ARHGAP26: variants seen among roughly 807,000 people sequenced by gnomAD.
ARHGAP26 encodes the protein rho GTPase-activating protein 26.
A neutral mutation model predicts 104.8 loss-of-function variants in ARHGAP26; 38 were observed. The observed-to-expected ratio is 0.36, with a 90% CI of 0.28 to 0.48. ARHGAP26 has a LOEUF of 0.48. Among genes scored for constraint, ARHGAP26 ranks in the 20% least tolerant of loss-of-function variants. The probability of loss-of-function intolerance (pLI) is 0.99; values close to 1 mark genes in which losing one functional copy is unlikely to be tolerated. For synonymous variants in ARHGAP26, 341 were observed against 340.0 expected, an observed-to-expected ratio of 1.00 and a Z score of -0.03; for missense variants, 704 against 947.9, an observed-to-expected ratio of 0.74 and a Z score of 3.38.
chr5:143,066,350 C>T (rs906482614), intron 17 of ARHGAP26, among the ~76,000 whole-genome samples: 9 of 152,224 alleles, frequency 5.9e-5, no homozygotes, highest in East Asian at 5.8e-4. Flanking sequence ...CTCAGCATAT[C>T]TCCATTGTTA....
chr5:142,823,963 A>G (rs930369625), intron 1 of ARHGAP26, among the ~76,000 whole-genome samples: 3 of 152,198 alleles, frequency 2.0e-5, no homozygotes, highest in Non-Finnish European at 1.5e-5. Context: ...TGGTTTATAG[A>G]CAAATAACAA....
At chr5:142,803,605 A>G (rs1762446560) in intron 1 of ARHGAP26, among the ~76,000 whole-genome samples, 1 of 152,196 alleles carries the variant, frequency 6.6e-6, no homozygotes, top group Admixed American at 6.5e-5. Context: ...CTTCAACCTC[A>G]CGCTATTGCC....
Position 142,777,774 on chromosome 5 carries a change from C to T in ARHGAP26, c.154+6859C>T, listed in dbSNP as rs143194542. 1.1e-4 allele frequency among the ~76,000 whole-genome samples: 16 copies of T among 152,110 alleles called. No homozygotes were observed. In the East Asian group the frequency reaches 1.5e-3, roughly 15 times the overall value. ...GAGTGGGATGTTTGGGGGCCAGTGG[C>T]GCGGCCAGTTGTGACTGTAGCAGAG... On this transcript the variant is annotated intron_variant, in intron 1 of 22. Coordinates refer to ENST00000645722, the MANE Select transcript of ARHGAP26 (RefSeq NM_001135608.3).
intron 12 of ARHGAP26, among the ~76,000 whole-genome samples, chr5:143,035,633 A>G (rs1782511551): frequency 6.6e-6 from 1 of 152,126 alleles, no homozygotes; most frequent in South Asian, 2.1e-4. Context: ...ACAAGTCACC[A>G]CTAAGGAACT....
chr5:143,081,158 A>C (rs1472059128), intron 17 of ARHGAP26, among the ~76,000 whole-genome samples: 2 of 151,980 alleles, frequency 1.3e-5, no homozygotes, highest in African/African-American at 4.8e-5. Flanking sequence ...CAGCATACAG[A>C]TTATTCTTTC....
In ARHGAP26 at chr5:142,863,882, C is replaced by T. The variant is rs559775239; in HGVS notation, c.155-9518C>T. ...CAAAATCTAAGTCTTGAGGCTCAAG[C>T]CAGGATCAACCCTCCCAGCCCCACT... On this transcript the variant is annotated intron_variant, in intron 1 of 22. Transcript: ENST00000645722. 1.1e-3 allele frequency among the ~76,000 whole-genome samples: 173 copies of T among 152,314 alleles called. 6 individuals carry two copies. The South Asian group carries it at 0.034, about 30-fold the overall frequency.
At chr5:143,110,833 T>G (rs1794693012) in intron 17 of ARHGAP26, among the ~76,000 whole-genome samples, 1 of 152,204 alleles carries the variant, frequency 6.6e-6, no homozygotes, top group Admixed American at 6.5e-5. Flanking sequence ...ATCTGCACCC[T>G]GTGGACTGGG....
At chr5:142,879,609 C>T (rs939499183) in intron 4 of ARHGAP26, among the ~76,000 whole-genome samples, 164 bp downstream of exon 4, 1 of 152,216 alleles carries the variant, frequency 6.6e-6, no homozygotes, top group African/African-American at 2.4e-5. Flanking sequence ...CTCATCGGTT[C>T]TTTACGGGTG....
At chr5:143,012,994 A>G (rs902796092) in intron 11 of ARHGAP26, among the ~76,000 whole-genome samples, 3 of 152,090 alleles carry the variant, frequency 2.0e-5, no homozygotes, top group Non-Finnish European at 2.9e-5. Flanking sequence ...ATCTTGTTTA[A>G]TTATGACAGC....
At chr5:143,137,397 A>G (rs1798024269) in intron 19 of ARHGAP26, among the ~76,000 whole-genome samples, 1 of 152,140 alleles carries the variant, frequency 6.6e-6, no homozygotes, top group South Asian at 2.1e-4. Context: ...CGTTCATGTC[A>G]GTTTCCTGCT....
intron 20 of ARHGAP26, among the ~76,000 whole-genome samples, chr5:143,178,735 C>T (rs1008587204): frequency 6.6e-6 from 1 of 152,256 alleles, no homozygotes; most frequent in Non-Finnish European, 1.5e-5. Flanking sequence ...GGAGGCTGTT[C>T]ATACTTCGTT....
intron 4 of ARHGAP26, among the ~76,000 whole-genome samples, chr5:142,880,520 A>G (rs1756827507): frequency 6.7e-6 from 1 of 150,162 alleles, no homozygotes; most frequent in Non-Finnish European, 1.5e-5. Flanking sequence ...CCATGTCCAA[A>G]AAAAAAAAAA....
At chr5:142,952,597 G>T (rs1329996605) in intron 11 of ARHGAP26, among the ~76,000 whole-genome samples, 1 of 152,110 alleles carries the variant, frequency 6.6e-6, no homozygotes, top group Non-Finnish European at 1.5e-5. Context: ...TGACAGTTCT[G>T]TGGACCATTT....
intron 17 of ARHGAP26, among the ~76,000 whole-genome samples, chr5:143,102,609 T>A (rs1380205693): frequency 6.6e-6 from 1 of 152,256 alleles, no homozygotes; most frequent in African/African-American, 2.4e-5. Flanking sequence ...CTGTGCCTGT[T>A]GCGTCGCCCA....
At position 142,917,599 on chromosome 5, in the gene ARHGAP26, A is replaced by G. The variant is rs375836819; in HGVS notation, c.1028+4306A>G. Among the ~76,000 whole-genome samples, 15 of 152,232 alleles carry G rather than the reference A, an allele frequency of 9.9e-5. No homozygotes were observed. The East Asian group carries it at 2.9e-3, about 29-fold the overall frequency. On this transcript the variant is annotated intron_variant, in intron 10 of 22. Coordinates refer to ENST00000645722, the MANE Select transcript of ARHGAP26 (RefSeq NM_001135608.3). ...AGAAAGTCCTCCCGTGACTAAATTA[A>G]AAGAAGCAATGCAGATAGAGCACAG...
At chr5:142,862,621 C>G (rs1465486947) in intron 1 of ARHGAP26, among the ~76,000 whole-genome samples, 1 of 152,158 alleles carries the variant, frequency 6.6e-6, no homozygotes, top group Non-Finnish European at 1.5e-5. Flanking sequence ...TAACCAAGTT[C>G]TGGGTTCTGT....
chr5:143,070,230 T>C (rs767257358), intron 17 of ARHGAP26, among the ~76,000 whole-genome samples: 89 of 152,232 alleles, frequency 5.8e-4, no homozygotes, highest in Admixed American at 8.5e-4. Flanking sequence ...CCCTTCATAA[T>C]AGAACTGCCA....
At chr5:142,963,183 T>TATATATAC (rs1770615827) in intron 11 of ARHGAP26, among the ~76,000 whole-genome samples, 2 of 107,436 alleles carry the variant, frequency 1.9e-5, no homozygotes, top group East Asian at 5.5e-4. Context: ...TATATATATA[T>TATATATAC]ATATATATAT....
intron 1 of ARHGAP26, among the ~76,000 whole-genome samples, chr5:142,776,894 G>A (rs1436879840): frequency 1.3e-5 from 2 of 152,130 alleles, no homozygotes; most frequent in East Asian, 1.9e-4. Flanking sequence ...AATGTATGAG[G>A]ATTCTGATTT....
Sources: allele counts gnomAD v4.1 joint callset (sites outside exome capture counted in the v4.1 genomes callset), GRCh38; gene constraint gnomAD v4.1.1; transcripts MANE v1.5; gene names NCBI Gene and HGNC (gene_info 2026-07-23, HGNC 2026-07-21).